The following MARK1 variants were observed in gnomAD, a reference collection of about 807,000 sequenced individuals.
The protein encoded by MARK1 is serine/threonine-protein kinase MARK1.
MARK1 carries 40 observed loss-of-function variants against 96.3 expected under a neutral mutation model. The ratio of observed to expected loss-of-function variants is 0.42; its 90% CI spans 0.32 to 0.54. The LOEUF is 0.54. MARK1 is among the 20% of genes least tolerant of loss of function. The pLI, the probability that MARK1 is intolerant of heterozygous loss-of-function variation, is 0.16. For missense variants in MARK1, 719 were observed against 984.6 expected, an observed-to-expected ratio of 0.73 and a Z score of 3.61; for synonymous variants, 317 against 341.2, an observed-to-expected ratio of 0.93 and a Z score of 0.78.
At position 220,615,951 on chromosome 1, in the gene MARK1, G is replaced by A. The variant is rs763923587; in HGVS notation, c.508G>A (p.Val170Ile). The A allele has an allele frequency of 1.2e-5, 19 of 1,554,124 alleles. No homozygotes were observed. ...RAKFRQIVSA[V>I]QYCHQKYIVH... ...ATGTTTATTCCAGATTGTATCTGCTGTACAGTATTGTCATCAAAAGTACAT... is the reference window on the plus strand; with the variant it reads ...ATGTTTATTCCAGATTGTATCTGCTATACAGTATTGTCATCAAAAGTACAT... Residue 170 changes from valine to isoleucine, a missense_variant, in exon 7 of 18, where the codon GTA becomes ATA. Around this residue, in one of 4 missense-constraint regions of MARK1, gnomAD observed 96 missense variants for 213.1 expected, o/e 0.45. Transcript: ENST00000366917.
At chr1:220,574,821 C>A (rs1454825075) in intron 1 of MARK1, among the ~76,000 whole-genome samples, 1 of 152,064 alleles carries the variant, frequency 6.6e-6, no homozygotes, top group Non-Finnish European at 1.5e-5. Flanking sequence ...TTCTAAATTG[C>A]AATGACCTGT....
At chr1:220,559,046 A>G (rs906235449) in intron 1 of MARK1, among the ~76,000 whole-genome samples, 3 of 152,232 alleles carry the variant, frequency 2.0e-5, no homozygotes, top group South Asian at 2.1e-4. Context: ...AGGTAAGTAG[A>G]AGGAGGAAGT....
At chr1:220,579,655 C>G in intron 2 of MARK1, 98 bp downstream of exon 2, 1 of 916,784 alleles carries the variant, frequency 1.1e-6, no homozygotes, top group Non-Finnish European at 1.7e-6. Context: ...ATGACAGTTT[C>G]AATATGATTA....
chr1:220,531,907 TTC>T (rs1660342861), intron 1 of MARK1, among the ~76,000 whole-genome samples: 1 of 152,188 alleles, frequency 6.6e-6, no homozygotes, highest in Admixed American at 6.5e-5. Flanking sequence ...TAAAAAAGAT[TTC>T]TCTTTTTTTC....
At chr1:220,613,341 A>AT (rs1666561983) in intron 6 of MARK1, among the ~76,000 whole-genome samples, 2 of 152,200 alleles carry the variant, frequency 1.3e-5, no homozygotes, top group African/African-American at 4.8e-5. Flanking sequence ...GGGAGAACAC[A>AT]TGCTTAATGC....
Position 220,662,300 on chromosome 1 carries a change from A to T in MARK1, c.*134A>T, listed in dbSNP as rs1303436725. 4.7e-6 allele frequency: 3 copies of T among 633,640 alleles called. No homozygotes were observed. In the African/African-American group the frequency reaches 5.5e-5, roughly 12 times the overall value. The allele number at this position is 633,640 out of a possible 1,614,324, so 39.3% of individuals were successfully genotyped here. On this transcript the variant is annotated 3_prime_UTR_variant, in exon 18 of 18. Coordinates refer to ENST00000366917, the MANE Select transcript of MARK1 (RefSeq NM_018650.5). ...AATTTGCCCTTAATGCAATAAGGTT[A>T]TACATAGTTATGAACTGTAAAATTA...
Position 220,620,511 on chromosome 1 carries a change from T to C in MARK1, c.909+1756T>C, listed in dbSNP as rs530176766. 7.2e-5 allele frequency among the ~76,000 whole-genome samples: 11 copies of C among 152,218 alleles called. No individual in the cohort carries two copies. The East Asian group carries it at 2.1e-3, about 29-fold the overall frequency. The stretch of plus-strand genomic sequence containing the variant: ...GCTAATGAGCAGAGCAAAAAGAACA[T>C]ACAAAAATTATTTTGGGGGGATAGA... On this transcript the variant is annotated intron_variant, in intron 9 of 17. Coordinates refer to ENST00000366917, the MANE Select transcript of MARK1 (RefSeq NM_018650.5).
chr1:220,568,107 G>A (rs1319826020), intron 1 of MARK1, among the ~76,000 whole-genome samples: 1 of 152,084 alleles, frequency 6.6e-6, no homozygotes, highest in Non-Finnish European at 1.5e-5. Flanking sequence ...TTAAATTATT[G>A]TATTTGAACC....
At chr1:220,603,967 C>T in intron 5 of MARK1, 100 bp from the exon 6 acceptor site, 5 of 650,640 alleles carry the variant, frequency 7.7e-6, no homozygotes, top group Non-Finnish European at 1.0e-5. Flanking sequence ...AATTGTGGGC[C>T]AAAAGTTTCT....
chr1:220,546,184 C>T (rs554095284), intron 1 of MARK1, among the ~76,000 whole-genome samples: 67 of 152,330 alleles, frequency 4.4e-4, no homozygotes, highest in African/African-American at 1.5e-3. Context: ...GCCTGTCTCT[C>T]TTCCCTATGG....
At chr1:220,576,909 T>A (rs1158283454) in intron 1 of MARK1, among the ~76,000 whole-genome samples, 2 of 152,088 alleles carry the variant, frequency 1.3e-5, no homozygotes, top group Admixed American at 1.3e-4. Context: ...AGAGGAATAA[T>A]CATCTCTGTG....
At chr1:220,641,662 C>T (rs1212269024) in intron 13 of MARK1, among the ~76,000 whole-genome samples, 1 of 137,700 alleles carries the variant, frequency 7.3e-6, no homozygotes, top group African/African-American at 2.7e-5. Context: ...GTCTGCATCT[C>T]CCACCGAGAG....
intron 7 of MARK1, among the ~76,000 whole-genome samples, chr1:220,617,971 G>A (rs1572183044): frequency 1.3e-5 from 2 of 152,114 alleles, no homozygotes; most frequent in Non-Finnish European, 1.5e-5. Context: ...CTTTAGAGTA[G>A]GTCATATTAA....
intron 3 of MARK1, among the ~76,000 whole-genome samples, chr1:220,595,948 A>C (rs908284966): frequency 6.6e-6 from 1 of 152,216 alleles, no homozygotes; most frequent in African/African-American, 2.4e-5. Flanking sequence ...AGTTTCAGTT[A>C]TTAGGGTGCT....
At chr1:220,595,466 C>T (rs1424676740) in intron 3 of MARK1, among the ~76,000 whole-genome samples, 1 of 152,168 alleles carries the variant, frequency 6.6e-6, no homozygotes, top group East Asian at 1.9e-4. Flanking sequence ...TCCAAGGCTG[C>T]AATAGCAAAA....
At chr1:220,608,475 A>G (rs1433360683) in intron 6 of MARK1, among the ~76,000 whole-genome samples, 1 of 151,970 alleles carries the variant, frequency 6.6e-6, no homozygotes, top group Non-Finnish European at 1.5e-5. Context: ...CTACTGGTCT[A>G]TCAATTTTGT....
At chr1:220,631,655 A>T (rs1204930669) in intron 10 of MARK1, among the ~76,000 whole-genome samples, 1 of 152,120 alleles carries the variant, frequency 6.6e-6, no homozygotes, top group South Asian at 2.1e-4. Flanking sequence ...CAAAGCCATC[A>T]TTTAGTCTCA....
intron 10 of MARK1, 44 bp from the exon 11 acceptor site, chr1:220,632,157 A>G: frequency 1.0e-6 from 1 of 1,001,136 alleles, no homozygotes; most frequent in Non-Finnish European, 1.4e-6. Context: ...TTGTTTACGA[A>G]AATAAAACCA....
chr1:220,586,023 G>A (rs959434932), intron 3 of MARK1, among the ~76,000 whole-genome samples: 1 of 141,170 alleles, frequency 7.1e-6, no homozygotes, highest in African/African-American at 2.5e-5. Flanking sequence ...GCGCGCGTGC[G>A]CAGAGAGAGA....
Sources: allele counts gnomAD v4.1 joint callset (sites outside exome capture counted in the v4.1 genomes callset), GRCh38; gene constraint gnomAD v4.1.1; regional missense constraint gnomAD v4.1.1; transcripts MANE v1.5; gene names NCBI Gene and HGNC (gene_info 2026-07-23, HGNC 2026-07-21).